The following RIT2 variants were observed in gnomAD, a reference collection of about 807,000 sequenced individuals.
The protein encoded by RIT2 is Ras like without CAAX 2.
A neutral mutation model predicts 23.7 loss-of-function variants in RIT2; 24 were observed. That is an observed-to-expected ratio of 1.01 (90% CI 0.73 to 1.43). The LOEUF is 1.43. Among genes scored for constraint, RIT2 ranks in the 40% most tolerant of loss-of-function variants. The pLI is 0.00. For missense variants in RIT2, 236 were observed against 266.9 expected (o/e 0.88, Z 0.81); for synonymous variants, 107 against 91.1 (o/e 1.17, Z -0.99).
At chr18:42,870,494 G>A (rs995169204) in intron 4 of RIT2, among the ~76,000 whole-genome samples, 6 of 152,202 alleles carry the variant, frequency 3.9e-5, no homozygotes, top group African/African-American at 7.2e-5. Flanking sequence ...GATTACAGGC[G>A]TGAGCCACCA....
intron 3 of RIT2, among the ~76,000 whole-genome samples, chr18:42,971,651 T>G (rs972503814): frequency 4.6e-5 from 7 of 152,126 alleles, no homozygotes; most frequent in African/African-American, 1.7e-4. Flanking sequence ...TTCACAAATC[T>G]GTGTGGTATC....
intron 4 of RIT2, among the ~76,000 whole-genome samples, chr18:42,798,320 G>A (rs1321063994): frequency 6.6e-6 from 1 of 152,146 alleles, no homozygotes; most frequent in Non-Finnish European, 1.5e-5. Flanking sequence ...TAGGATTTGT[G>A]AACCTAATAT....
chr18:42,832,197 C>A (rs913865299), intron 4 of RIT2, among the ~76,000 whole-genome samples: 2 of 152,098 alleles, frequency 1.3e-5, no homozygotes, highest in African/African-American at 4.8e-5. Flanking sequence ...TGGTCCAGGG[C>A]GTGTCACTAG....
At chr18:42,924,023 T>C (rs1203947480) in intron 3 of RIT2, among the ~76,000 whole-genome samples, 15 of 152,084 alleles carry the variant, frequency 9.9e-5, no homozygotes, top group Non-Finnish European at 2.2e-4. Context: ...TCTAAATGTT[T>C]ATACTCTAAT....
chr18:42,864,108 C>T (rs1019995065), intron 4 of RIT2, among the ~76,000 whole-genome samples: 1 of 151,946 alleles, frequency 6.6e-6, no homozygotes, highest in Non-Finnish European at 1.5e-5. Flanking sequence ...CAATAACTTC[C>T]TGACCCAGAA....
At chr18:42,846,396 T>A (rs757047626) in intron 4 of RIT2, among the ~76,000 whole-genome samples, 1 of 151,920 alleles carries the variant, frequency 6.6e-6, no homozygotes, top group African/African-American at 2.4e-5. Flanking sequence ...AAACCATGAA[T>A]TTGAGTATGT....
chr18:42,824,812 G>A (rs888029575), intron 4 of RIT2, among the ~76,000 whole-genome samples: 3 of 151,336 alleles, frequency 2.0e-5, no homozygotes, highest in East Asian at 1.9e-4. Context: ...AAAAACTAAG[G>A]AGAAAAATTT....
At chr18:42,928,323 G>T (rs1909235184) in intron 3 of RIT2, among the ~76,000 whole-genome samples, 1 of 152,044 alleles carries the variant, frequency 6.6e-6, no homozygotes, top group Non-Finnish European at 1.5e-5. Context: ...AAAACGGCAA[G>T]AACAGTTTTC....
chr18:43,063,638 CTTTTA>C (rs1339638032), intron 1 of RIT2, among the ~76,000 whole-genome samples: 2 of 151,986 alleles, frequency 1.3e-5, no homozygotes. Context: ...AAGTTATTTT[CTTTTA>C]TTTAGGGTAC....
At chr18:42,758,501 T>C (rs559376544) in intron 4 of RIT2, among the ~76,000 whole-genome samples, 24 of 136,550 alleles carry the variant, frequency 1.8e-4, no homozygotes, top group African/African-American at 6.1e-4. Context: ...TTTTTTTTGA[T>C]AACCCTTGTT....
At chr18:43,003,958 T>C (rs1452832903) in intron 2 of RIT2, among the ~76,000 whole-genome samples, 1 of 148,682 alleles carries the variant, frequency 6.7e-6, no homozygotes, top group African/African-American at 2.5e-5. Flanking sequence ...TGGCAACAGG[T>C]TCATTCTTTC....
At chr18:42,888,059 T>C (rs1474499692) in intron 4 of RIT2, among the ~76,000 whole-genome samples, 1 of 152,082 alleles carries the variant, frequency 6.6e-6, no homozygotes, top group East Asian at 1.9e-4. Flanking sequence ...GTGATATTAT[T>C]CTGTTTTATG....
intron 2 of RIT2, among the ~76,000 whole-genome samples, chr18:42,986,091 G>A (rs1469370859): frequency 2.0e-5 from 3 of 150,678 alleles, no homozygotes; most frequent in South Asian, 2.1e-4. Context: ...CTAGGCTGGA[G>A]TGTAGTGGCA....
intron 4 of RIT2, among the ~76,000 whole-genome samples, chr18:42,839,721 A>G (rs921904536): frequency 6.6e-6 from 1 of 152,200 alleles, no homozygotes; most frequent in Non-Finnish European, 1.5e-5. Context: ...AAAATTCAGA[A>G]CACCATGCAA....
At chr18:43,007,501 G>A (rs1159974571) in intron 2 of RIT2, among the ~76,000 whole-genome samples, 4 of 151,634 alleles carry the variant, frequency 2.6e-5, no homozygotes, top group African/African-American at 9.7e-5. Context: ...AGGTTTTTGA[G>A]AAATGGCTGA....
chr18:43,057,310 G>A (rs544069367), intron 1 of RIT2, among the ~76,000 whole-genome samples: 149 of 152,244 alleles, frequency 9.8e-4, no homozygotes, highest in African/African-American at 2.9e-3. Flanking sequence ...ACAGAGGCCT[G>A]TAGCCCTTGG....
chr18:43,027,100 GGAAA>G (rs1353859430), intron 2 of RIT2, among the ~76,000 whole-genome samples: 2 of 150,708 alleles, frequency 1.3e-5, no homozygotes, highest in African/African-American at 4.9e-5. Context: ...AAGTTAAAAT[GGAAA>G]GAATTAATAT....
intron 4 of RIT2, among the ~76,000 whole-genome samples, chr18:42,905,645 G>C (rs1908592527): frequency 6.6e-6 from 1 of 151,996 alleles, no homozygotes; most frequent in Non-Finnish European, 1.5e-5. Flanking sequence ...GCTAATTTTT[G>C]TGTTTTTAGT....
chr18:42,974,700 G>A (rs1910440688), intron 2 of RIT2, among the ~76,000 whole-genome samples: 1 of 151,966 alleles, frequency 6.6e-6, no homozygotes, highest in Non-Finnish European at 1.5e-5. Context: ...AACCCTAAAT[G>A]AATTCAGCAA....
Sources: gnomAD v4.1 joint callset for allele counts (sites outside exome capture counted in the v4.1 genomes callset) on GRCh38, gnomAD v4.1.1 for gene constraint, MANE v1.5 for transcripts, NCBI Gene and HGNC (gene_info 2026-07-23, HGNC 2026-07-21) for gene names.